CSE1L: variants seen among roughly 807,000 people sequenced by gnomAD.
CSE1L encodes the protein exportin-2.
CSE1L carries 24 observed loss-of-function variants against 120.4 expected under a neutral mutation model. The observed-to-expected ratio is 0.20, with a 90% CI of 0.14 to 0.28. The LOEUF (loss-of-function observed/expected upper bound fraction) is 0.28. CSE1L is among the 10% of genes least tolerant of loss of function. CSE1L has a pLI of 1.00. For missense variants in CSE1L, 830 were observed against 1,145.2 expected (o/e 0.72, Z 3.97); for synonymous variants, 402 against 398.3 (o/e 1.01, Z -0.11).
intron 3 of CSE1L, among the ~76,000 whole-genome samples, chr20:49,064,124 C>T (rs2091872635): frequency 6.6e-6 from 1 of 152,176 alleles, no homozygotes; most frequent in South Asian, 2.1e-4. Flanking sequence ...TGCTGCTAAG[C>T]ATCCTACAAT....
At chr20:49,093,970 G>T (rs186202743) in intron 22 of CSE1L, among the ~76,000 whole-genome samples, 170 bp from the exon 23 acceptor site, 1 of 151,908 alleles carries the variant, frequency 6.6e-6, no homozygotes, top group Non-Finnish European at 1.5e-5. Context: ...GGGTAGAGGT[G>T]TGATGGGGTT....
In CSE1L at chr20:49,089,338, T is replaced by C. The variant is rs1311698192; in HGVS notation, c.1913T>C (p.Val638Ala). 3.1e-6 allele frequency: 5 copies of C among 1,613,536 alleles called. No homozygotes were observed. Among genetic ancestry groups the C allele is most frequent in the Non-Finnish European group, 4.2e-6 (5 of 1,179,894 alleles). The change falls in exon 18 of 25, where the codon GTA (valine) becomes GCA (alanine). Residue 638 changes from valine (V) to alanine (A), a missense_variant. This residue lies in a region of CSE1L where 168 missense variants were observed against 267.9 expected (regional missense o/e 0.63). Transcript: ENST00000262982. ...ITCKANPAAV[V>A]NFEEALFLVF... is the part of the protein sequence containing the mutation. ...TGCAAAGCTAACCCTGCTGCTGTTG[T>C]AAATTTTGAGGAGGCTTTGTTTTTG...
At chr20:49,087,970 C>G in intron 16 of CSE1L, 39 bp from the exon 17 acceptor site, 2 of 1,239,254 alleles carry the variant, frequency 1.6e-6, no homozygotes, top group Non-Finnish European at 2.3e-6. Flanking sequence ...TGAAGTTTAA[C>G]TAAACTCTAT....
In CSE1L at chr20:49,076,520, CTTTTTTTTTT is replaced by C. The variant is rs35713931; in HGVS notation, c.1336-442_1336-433del. Among the ~76,000 whole-genome samples, 18 of 79,596 alleles carry C rather than the reference CTTTTTTTTTT, an allele frequency of 2.3e-4. No individual in the cohort carries two copies. The South Asian group carries it at 2.3e-3, about 10-fold the overall frequency. The allele number at this position is 79,596 out of a possible 152,430, so 52.2% of individuals were successfully genotyped here. A position where few individuals can be genotyped will look rare whatever the true frequency, so the allele number is the denominator to read the frequency against. ...CATGTTTTGAAGTGTCCCTCTCTCT[CTTTTTTTTTT>C]TTTTTTTTTTTTTTTTTGAGACGTT... On this transcript the variant is annotated intron_variant, in intron 12 of 24. Transcript: ENST00000262982.
intron 6 of CSE1L, among the ~76,000 whole-genome samples, chr20:49,067,519 A>G (rs962233411): frequency 5.3e-5 from 8 of 152,170 alleles, no homozygotes; most frequent in African/African-American, 1.7e-4. Context: ...TAGGAATGTT[A>G]TAAAAGCAAA....
In CSE1L at chr20:49,089,430, G is replaced by T. The variant is rs201231027; in HGVS notation, c.1972+33G>T. The T allele has an allele frequency of 1.2e-5, 20 of 1,607,464 alleles. No individual in the cohort carries two copies. The African/African-American group carries it at 2.5e-4, about 20-fold the overall frequency. ...AACGGAAATTATTTTCTTTGTAATG[G>T]AATAAAATTAACATGGCTATAAAAT... On this transcript the variant is annotated intron_variant, in intron 18 of 24. Transcript: ENST00000262982.
chr20:49,079,796 C>A (rs756394081), intron 14 of CSE1L, among the ~76,000 whole-genome samples: 1 of 152,040 alleles, frequency 6.6e-6, no homozygotes, highest in East Asian at 1.9e-4. Flanking sequence ...TAAAACAAAT[C>A]CAGCCAGGCA....
At chr20:49,088,237 A>T in intron 17 of CSE1L, 131 bp downstream of exon 17, 1 of 665,146 alleles carries the variant, frequency 1.5e-6, no homozygotes, top group Non-Finnish European at 2.6e-6. Context: ...CCACTAATGG[A>T]CTTTTCTGAA....
At chr20:49,074,710 C>A in intron 10 of CSE1L, 75 bp from the exon 11 acceptor site, 2 of 1,247,532 alleles carry the variant, frequency 1.6e-6, no homozygotes, top group Non-Finnish European at 2.3e-6. Context: ...GTTTTACATA[C>A]TCTTCTGCAT....
At chr20:49,054,078 C>T (rs1204764101) in intron 1 of CSE1L, among the ~76,000 whole-genome samples, 1 of 152,152 alleles carries the variant, frequency 6.6e-6, no homozygotes. Flanking sequence ...ATATAAAAAA[C>T]CATAAAGGGT....
Position 49,072,429 on chromosome 20 carries a change from G to A in CSE1L, c.912G>A (p.Thr304=), listed in dbSNP as rs139732036. 9.3e-6 allele frequency: 15 copies of A among 1,613,988 alleles called. No individual in the cohort carries two copies. The highest frequency in any genetic ancestry group is 8.9e-5 in the East Asian group (4 of 44,888). The change falls in exon 9 of 25, where the codon ACG becomes ACA. Residue 304 remains threonine (T), a synonymous_variant. Coordinates refer to ENST00000262982, the MANE Select transcript of CSE1L (RefSeq NM_001316.4). ...CCATCTGGAATTTACTAGTTACAAC[G>A]GGTCAAGAGGTTAAATATGATTTGG... is the stretch of plus-strand genomic sequence containing the variant. ...VTAIWNLLVT[T]GQEVKYDLLV... is the part of the protein sequence containing the mutation.
intron 3 of CSE1L, among the ~76,000 whole-genome samples, chr20:49,065,313 ATTT>A (rs376073464): frequency 1.4e-3 from 71 of 52,092 alleles, no homozygotes; most frequent in Admixed American, 3.1e-3. Flanking sequence ...TGAAAAAAAA[ATTT>A]TTTTTTTTTT....
chr20:49,051,797 A>C (rs1724702581), intron 1 of CSE1L, among the ~76,000 whole-genome samples: 1 of 152,234 alleles, frequency 6.6e-6, no homozygotes. Context: ...TTCTGAGCTT[A>C]ACCAGTCCTT....
rs2123715569 is a variant in CSE1L, at chr20:49,074,826, A to G, written c.1108A>G (p.Ile370Val). 1.9e-6 allele frequency: 3 copies of G among 1,612,834 alleles called. No individual in the cohort carries two copies. Among genetic ancestry groups the G allele is most frequent in the Non-Finnish European group, 1.7e-6 (2 of 1,179,536 alleles). Reference protein sequence around the residue: ...EAFEDNSEEYIRRDLEGSDID... With the variant: ...EAFEDNSEEYVRRDLEGSDID... ...ATTTGAAGATAATTCTGAGGAGTAC[A>G]TAAGGAGAGATTTGGAAGGATCTGG... The change falls in exon 11 of 25, where the codon ATA becomes GTA. Residue 370 changes from isoleucine (I) to valine (V), a missense_variant. By Grantham distance (29) the Ile-to-Val change is conservative. Transcript: ENST00000262982.
chr20:49,093,212 G>A (rs1186815382), intron 22 of CSE1L, among the ~76,000 whole-genome samples: 1 of 152,182 alleles, frequency 6.6e-6, no homozygotes, highest in African/African-American at 2.4e-5. Flanking sequence ...CTCATGCACT[G>A]CTAGTGGGAG....
At chr20:49,085,483 C>A in intron 16 of CSE1L, 97 bp downstream of exon 16, 2 of 705,150 alleles carry the variant, frequency 2.8e-6, no homozygotes, top group Non-Finnish European at 4.7e-6. Context: ...AGTCTATGAA[C>A]CAGATAATGT....
At chr20:49,075,818 T>C (rs1035467791) in intron 12 of CSE1L, among the ~76,000 whole-genome samples, 5 of 152,212 alleles carry the variant, frequency 3.3e-5, no homozygotes, top group Non-Finnish European at 7.3e-5. Context: ...TATTGTCTAT[T>C]AGTATAGTCT....
Position 49,089,228 on chromosome 20 carries a change from T to A in CSE1L, c.1822-19T>A. 2 of 740,536 alleles carry A rather than the reference T, an allele frequency of 2.7e-6. No homozygotes were observed. The highest frequency in any genetic ancestry group is 3.7e-6 in the Non-Finnish European group (2 of 537,612). The allele number at this position is 740,536 out of a possible 1,614,324, so 45.9% of individuals were successfully genotyped here. A position where few individuals can be genotyped will look rare whatever the true frequency, so the allele number is the denominator to read the frequency against. ...GTGTGGATTATTAGCATAATTAGGT[T>A]TTTTTTTTTTAATTTCAGAACCCAA... On this transcript the variant is annotated intron_variant, in intron 17 of 24. Coordinates refer to ENST00000262982, the MANE Select transcript of CSE1L (RefSeq NM_001316.4).
intron 23 of CSE1L, among the ~76,000 whole-genome samples, 191 bp downstream of exon 23, chr20:49,094,477 G>A (rs2092125074): frequency 1.3e-5 from 2 of 152,132 alleles, no homozygotes; most frequent in Non-Finnish European, 2.9e-5. Context: ...TTCTTTTTCA[G>A]GGGGATTCAT....
Sources: allele counts gnomAD v4.1 joint callset (sites outside exome capture counted in the v4.1 genomes callset), GRCh38; gene constraint gnomAD v4.1.1; regional missense constraint gnomAD v4.1.1; transcripts MANE v1.5; gene names NCBI Gene and HGNC (gene_info 2026-07-23, HGNC 2026-07-21).